APLF: variants seen among roughly 807,000 people sequenced by gnomAD.
APLF encodes the protein aprataxin and PNK-like factor.
A neutral mutation model predicts 55.6 loss-of-function variants in APLF; 61 were observed. The observed-to-expected ratio is 1.10, with a 90% confidence interval of 0.89 to 1.36. The LOEUF (loss-of-function observed/expected upper bound fraction) is 1.36, where lower values mean the gene tolerates loss of function less well. APLF is among the 40% of genes most tolerant of loss of function. The probability of loss-of-function intolerance (pLI) is 0.00; values close to 1 mark genes in which losing one functional copy is unlikely to be tolerated. For missense variants in APLF, 611 were observed against 602.5 expected (o/e 1.01, Z -0.15); for synonymous variants, 207 against 214.8 (o/e 0.96, Z 0.32).
intron 5 of APLF, among the ~76,000 whole-genome samples, chr2:68,518,749 A>ATATATAATATTAATAATATATCAT (rs1669761707): frequency 1.8e-5 from 2 of 108,336 alleles, no homozygotes; most frequent in Non-Finnish European, 3.5e-5. Context: ...TATATCATTA[A>ATATATAATATTAATAATATATCAT]TATATAATAA....
chr2:68,578,971 A>G lies in APLF; in HGVS notation c.*949A>G, dbSNP rs1671693660. 1 of 984,430 alleles carries G rather than the reference A, an allele frequency of 1.0e-6. No individual in the cohort carries two copies. The highest frequency in any genetic ancestry group is 1.7e-5 in the African/African-American group (1 of 57,320). The allele number at this position is 984,430 out of a possible 1,614,324, so 61.0% of individuals were successfully genotyped here. On this transcript the variant is annotated 3_prime_UTR_variant, in exon 10 of 10. Transcript: ENST00000303795. ...TTCTAAAACTACTTTAAGCCCTATAATGCTCTTCATATTACGTGACTTTGA... is the reference window on the plus strand; with the variant it reads ...TTCTAAAACTACTTTAAGCCCTATAGTGCTCTTCATATTACGTGACTTTGA...
intron 8 of APLF, among the ~76,000 whole-genome samples, chr2:68,561,522 T>C (rs1671166928): frequency 6.6e-6 from 1 of 152,136 alleles, no homozygotes; most frequent in Admixed American, 6.6e-5. Flanking sequence ...GAGCTAAGTG[T>C]CTTACAATGC....
intron 6 of APLF, chr2:68,528,424 A>G (rs865915718): frequency 4.6e-6 from 7 of 1,534,144 alleles, no homozygotes; most frequent in South Asian, 2.4e-5. Context: ...GGGGCCTCTC[A>G]TCTCTCTCCC....
intron 5 of APLF, among the ~76,000 whole-genome samples, chr2:68,518,441 T>TAAC (rs1558539507): frequency 8.9e-6 from 1 of 112,874 alleles, no homozygotes; most frequent in African/African-American, 3.7e-5. Context: ...ATATAATATA[T>TAAC]AATAATATAT....
intron 3 of APLF, among the ~76,000 whole-genome samples, chr2:68,507,667 A>T (rs1296017069): frequency 6.6e-6 from 1 of 151,932 alleles, no homozygotes; most frequent in African/African-American, 2.4e-5. Context: ...CTTCCTCCCC[A>T]ATAGTGGGTG....
intron 8 of APLF, among the ~76,000 whole-genome samples, chr2:68,545,802 T>C (rs1397211831): frequency 6.6e-6 from 1 of 152,202 alleles, no homozygotes; most frequent in African/African-American, 2.4e-5. Context: ...GTAGGATTTA[T>C]CTCATGAGAT....
At chr2:68,570,750 A>G (rs1252521592) in intron 9 of APLF, among the ~76,000 whole-genome samples, 1 of 152,148 alleles carries the variant, frequency 6.6e-6, no homozygotes. Context: ...GCCGCAGTAA[A>G]CATATACGTG....
intron 7 of APLF, among the ~76,000 whole-genome samples, chr2:68,539,830 T>C (rs1282495951): frequency 1.3e-5 from 2 of 152,142 alleles, no homozygotes; most frequent in Non-Finnish European, 2.9e-5. Context: ...TCCCATGATG[T>C]TGGGAACTAA....
chr2:68,538,283 G>A lies in APLF; in HGVS notation c.1160+56G>A, dbSNP rs190526314. Reference sequence around the variant, plus strand: ...CATTATTTTGATAGCGTGTAGCTATGTAGATACATGCTACAGTATATTAAA... The same window carrying A: ...CATTATTTTGATAGCGTGTAGCTATATAGATACATGCTACAGTATATTAAA... On this transcript the variant is annotated intron_variant, in intron 7 of 9. Coordinates refer to ENST00000303795, the MANE Select transcript of APLF (RefSeq NM_173545.3). 30 of 1,407,170 alleles carry A rather than the reference G, an allele frequency of 2.1e-5. No homozygotes were observed. In the Admixed American group the frequency reaches 5.0e-4, roughly 24 times the overall value. The allele number at this position is 1,407,170 out of a possible 1,614,324, so 87.2% of individuals were successfully genotyped here. A position where few individuals can be genotyped will look rare whatever the true frequency, so the allele number is the denominator to read the frequency against.
At chr2:68,524,251 T>A (rs1669971218) in intron 5 of APLF, among the ~76,000 whole-genome samples, 1 of 152,204 alleles carries the variant, frequency 6.6e-6, no homozygotes, top group African/African-American at 2.4e-5. Flanking sequence ...TTTAGATTCA[T>A]GATGAATATT....
At chr2:68,550,680 G>A (rs1164932681) in intron 8 of APLF, among the ~76,000 whole-genome samples, 1 of 150,634 alleles carries the variant, frequency 6.6e-6, no homozygotes, top group Non-Finnish European at 1.5e-5. Flanking sequence ...TTTCTCCTCT[G>A]TTAATTTTTC....
intron 8 of APLF, among the ~76,000 whole-genome samples, chr2:68,557,596 A>C (rs920427691): frequency 6.6e-6 from 1 of 152,210 alleles, no homozygotes; most frequent in East Asian, 1.9e-4. Context: ...ATGTGATGCT[A>C]TCAATCTATT....
At chr2:68,515,465 C>G (rs1413881372) in intron 5 of APLF, 1 of 519,202 alleles carries the variant, frequency 1.9e-6, no homozygotes, top group Middle Eastern at 9.5e-4. Flanking sequence ...GTGAGCTGGT[C>G]CCTGCAAACA....
intron 5 of APLF, among the ~76,000 whole-genome samples, chr2:68,517,513 T>A (rs1335814620): frequency 7.1e-6 from 1 of 141,500 alleles, no homozygotes; most frequent in African/African-American, 2.6e-5. Context: ...TCACTATATA[T>A]TAATATATCA....
At chr2:68,480,598 G>A (rs749089081) in intron 1 of APLF, among the ~76,000 whole-genome samples, 20 of 151,864 alleles carry the variant, frequency 1.3e-4, no homozygotes, top group South Asian at 4.1e-4. Flanking sequence ...TACCATGCCC[G>A]GCTGTTTTTT....
At chr2:68,519,852 A>G (rs1669843410) in intron 5 of APLF, among the ~76,000 whole-genome samples, 2 of 151,784 alleles carry the variant, frequency 1.3e-5, no homozygotes, top group Admixed American at 1.3e-4. Flanking sequence ...TTGCTAGATC[A>G]AATGGTAGAT....
At chr2:68,521,132 C>T (rs866260818) in intron 5 of APLF, among the ~76,000 whole-genome samples, 3 of 151,992 alleles carry the variant, frequency 2.0e-5, no homozygotes, top group Middle Eastern at 3.4e-3. Flanking sequence ...ATTTGATTCT[C>T]AGCTTGGTAA....
chr2:68,528,410 G>A (rs1670144958), intron 6 of APLF: 12 of 1,534,346 alleles, frequency 7.8e-6, no homozygotes, highest in East Asian at 2.4e-5. Flanking sequence ...AAGCTTAGCC[G>A]GTGGGGGCCT....
rs373889764 is a variant in APLF at position 68,563,397 on chromosome 2, C to G, written c.1287-3944C>G. ...TTATTCTGAAATGACTTGCCTTTTC[C>G]TAAGTAGGATGTGAGGTTGGTGGAT... On this transcript the variant is annotated intron_variant, in intron 8 of 9. Transcript: ENST00000303795. The G allele has an allele frequency of 7.2e-6, 7 of 973,062 alleles. No individual in the cohort carries two copies. In the East Asian group the frequency reaches 6.8e-4, roughly 95 times the overall value. 60.3% of individuals were successfully genotyped at this position (973,062 alleles called of 1,614,324 possible).
Sources: allele counts gnomAD v4.1 joint callset (sites outside exome capture counted in the v4.1 genomes callset), GRCh38; gene constraint gnomAD v4.1.1; transcripts MANE v1.5; gene names NCBI Gene and HGNC (gene_info 2026-07-23, HGNC 2026-07-21).